The following RBFOX1 variants were observed in gnomAD, a reference collection of about 807,000 sequenced individuals.
The protein encoded by RBFOX1 is RNA binding fox-1 homolog 1.
In RBFOX1, 8 loss-of-function variants were observed where a neutral mutation model predicts 57.7. The ratio of observed to expected loss-of-function variants is 0.14; its 90% confidence interval spans 0.08 to 0.25. The LOEUF is 0.25. Among genes scored for constraint, RBFOX1 ranks in the 10% least tolerant of loss-of-function variants. The pLI is 1.00. For synonymous variants in RBFOX1, 326 were observed against 222.4 expected (o/e 1.47, Z -4.15); for missense variants, 611 against 548.5 (o/e 1.11, Z -1.14).
intron 10 of RBFOX1, among the ~76,000 whole-genome samples, chr16:7,624,195 T>C (rs1315525640): frequency 6.6e-6 from 1 of 152,218 alleles, no homozygotes; most frequent in African/African-American, 2.4e-5. Flanking sequence ...AAATATTCTT[T>C]GGCAAATATT....
At chr16:7,710,569 C>T in intron 15 of RBFOX1, 54 bp from the exon 16 acceptor site, 1 of 1,607,318 alleles carries the variant, frequency 6.2e-7, no homozygotes, top group South Asian at 1.1e-5. Context: ...TGATGATCCA[C>T]ATGTTGCAAA....
intron 1 of RBFOX1, among the ~76,000 whole-genome samples, chr16:5,324,271 C>A (rs762759098): frequency 6.6e-6 from 1 of 152,012 alleles, no homozygotes; most frequent in East Asian, 1.9e-4. Context: ...GAAACCAGCC[C>A]GGCCAACATG....
At chr16:7,676,182 AAAAAG>A (rs1425497485) in intron 13 of RBFOX1, among the ~76,000 whole-genome samples, 2 of 152,222 alleles carry the variant, frequency 1.3e-5, no homozygotes, top group Non-Finnish European at 2.9e-5. Flanking sequence ...ATCTTTGGCC[AAAAAG>A]AAATGTTCAG....
chr16:5,336,834 G>T (rs754680664), intron 1 of RBFOX1, among the ~76,000 whole-genome samples: 17 of 152,146 alleles, frequency 1.1e-4, no homozygotes, highest in Admixed American at 1.1e-3. Context: ...TGGTGCTCAT[G>T]GCTTTTTAAA....
At chr16:6,052,333 T>G (rs1043918024) in intron 1 of RBFOX1, among the ~76,000 whole-genome samples, 1 of 152,174 alleles carries the variant, frequency 6.6e-6, no homozygotes, top group African/African-American at 2.4e-5. Context: ...CAGAAATTTA[T>G]GCCAAGGCTC....
intron 1 of RBFOX1, among the ~76,000 whole-genome samples, chr16:5,268,484 A>G (rs1596345718): frequency 1.3e-5 from 2 of 152,366 alleles, no homozygotes; most frequent in South Asian, 4.1e-4. Flanking sequence ...TATACGTGCA[A>G]ATCCCCTCAT....
chr16:7,648,355 G>C (rs1296018114), intron 11 of RBFOX1, among the ~76,000 whole-genome samples: 4 of 152,074 alleles, frequency 2.6e-5, no homozygotes, highest in Admixed American at 2.6e-4. Context: ...CTCCCAAGTA[G>C]CTGGGACTAC....
intron 4 of RBFOX1, among the ~76,000 whole-genome samples, chr16:7,402,780 G>C (rs1465571419): frequency 6.6e-6 from 1 of 152,134 alleles, no homozygotes; most frequent in African/African-American, 2.4e-5. Context: ...TGATAGGATG[G>C]TGTAACCTCA....
At chr16:7,372,337 G>A (rs958357394) in intron 4 of RBFOX1, among the ~76,000 whole-genome samples, 3 of 152,172 alleles carry the variant, frequency 2.0e-5, no homozygotes, top group Non-Finnish European at 2.9e-5. Context: ...TGTTCACCCT[G>A]CTTAGGATCA....
intron 3 of RBFOX1, among the ~76,000 whole-genome samples, chr16:6,783,817 A>G (rs1056531023): frequency 1.9e-4 from 29 of 152,150 alleles, no homozygotes; most frequent in African/African-American, 6.5e-4. Flanking sequence ...AGCATTCCTT[A>G]TAAGACAGAT....
intron 3 of RBFOX1, among the ~76,000 whole-genome samples, chr16:5,856,547 G>GTA (rs1386957431): frequency 8.0e-5 from 5 of 62,522 alleles, no homozygotes; most frequent in African/African-American, 3.2e-4. Context: ...ATGTGTGTGT[G>GTA]TGTGTGTGTG....
chr16:5,898,033 G>T (rs1434622204), intron 4 of RBFOX1, among the ~76,000 whole-genome samples: 3 of 152,070 alleles, frequency 2.0e-5, no homozygotes. Context: ...AGGTTTAATT[G>T]ACTCACGGTT....
chr16:6,791,420 C>T (rs1270829777), intron 3 of RBFOX1, among the ~76,000 whole-genome samples: 1 of 152,142 alleles, frequency 6.6e-6, no homozygotes, highest in Non-Finnish European at 1.5e-5. Flanking sequence ...AATGAAAGTT[C>T]AGGGCCCCTT....
intron 3 of RBFOX1, among the ~76,000 whole-genome samples, chr16:6,926,892 C>A (rs1342291674): frequency 6.6e-6 from 1 of 152,104 alleles, no homozygotes; most frequent in Non-Finnish European, 1.5e-5. Flanking sequence ...GCGCATTGTC[C>A]TAGCAGGTAC....
At chr16:5,394,618 G>A (rs1204953696) in intron 1 of RBFOX1, among the ~76,000 whole-genome samples, 1 of 145,488 alleles carries the variant, frequency 6.9e-6, no homozygotes, top group Non-Finnish European at 1.5e-5. Flanking sequence ...CTGGAGTGTA[G>A]TGGTACAGTC....
intron 3 of RBFOX1, among the ~76,000 whole-genome samples, chr16:6,760,869 C>G (rs1567140472): frequency 6.6e-6 from 1 of 152,082 alleles, no homozygotes. Flanking sequence ...CTGGTCAATG[C>G]CACCCACCAG....
intron 4 of RBFOX1, among the ~76,000 whole-genome samples, chr16:7,284,487 C>T (rs577984275): frequency 1.3e-4 from 20 of 152,042 alleles, no homozygotes; most frequent in Non-Finnish European, 2.2e-4. Flanking sequence ...CTCACCACCA[C>T]GCCTGGTTAA....
chr16:6,018,650 C>T (rs1005231347), upstream of RBFOX1, among the ~76,000 whole-genome samples: 2 of 152,158 alleles, frequency 1.3e-5, no homozygotes, highest in Admixed American at 1.3e-4. Flanking sequence ...GGCTCGATCT[C>T]TGCCTGGCCG....
intron 9 of RBFOX1, among the ~76,000 whole-genome samples, chr16:7,605,160 CT>C (rs1214273542): frequency 1.3e-5 from 2 of 151,846 alleles, no homozygotes; most frequent in East Asian, 1.9e-4. Context: ...AGGAATTAGA[CT>C]TTTTTTTAAA....
Sources: gnomAD v4.1 joint callset for allele counts (sites outside exome capture counted in the v4.1 genomes callset) on GRCh38, gnomAD v4.1.1 for gene constraint, MANE v1.5 for transcripts, NCBI Gene and HGNC (gene_info 2026-07-23, HGNC 2026-07-21) for gene names.